Variants in MTPAP observed in about 807,000 individuals in gnomAD.
The protein encoded by MTPAP is mitochondrial poly(A) polymerase.
In MTPAP, 23 loss-of-function variants were observed where a neutral mutation model predicts 48.7. That is an observed-to-expected ratio of 0.47 (90% CI 0.34 to 0.67). The LOEUF is 0.67. Ranked by LOEUF, MTPAP falls within the 30% of genes least tolerant of loss-of-function variation. The pLI, the probability that MTPAP is intolerant of heterozygous loss-of-function variation, is 0.01. For missense variants in MTPAP, 614 were observed against 694.3 expected (o/e 0.88, Z 1.30); for synonymous variants, 257 against 254.1 (o/e 1.01, Z -0.11).
At position 30,322,381 on chromosome 10, in the gene MTPAP, C is replaced by T; in HGVS notation, c.1219+10G>A. On this transcript the variant is annotated intron_variant, in intron 6 of 8. Coordinates refer to ENST00000263063, the MANE Select transcript of MTPAP (RefSeq NM_018109.4). ...AAAAAGAAAATGGAGAAGTTTCTTT[C>T]TAGTCTTACCTGCTAGGGTTTTTAA... 1 of 1,561,788 alleles carries T rather than the reference C, an allele frequency of 6.4e-7. No individual in the cohort carries two copies. The highest frequency in any genetic ancestry group is 8.8e-7 in the Non-Finnish European group (1 of 1,132,962).
At chr10:30,335,343 G>A (rs958147538) in intron 4 of MTPAP, among the ~76,000 whole-genome samples, 6 of 151,816 alleles carry the variant, frequency 4.0e-5, no homozygotes, top group South Asian at 2.1e-4. Context: ...AAAATTAGCC[G>A]GGCATGGTGG....
At chr10:30,338,590 G>A (rs372483428) in intron 3 of MTPAP, among the ~76,000 whole-genome samples, 46 of 151,286 alleles carry the variant, frequency 3.0e-4, no homozygotes, top group East Asian at 2.8e-3. Flanking sequence ...CAGGAGAATC[G>A]CTTGAACCTG....
intron 5 of MTPAP, among the ~76,000 whole-genome samples, chr10:30,325,695 G>A (rs1018337617): frequency 1.3e-5 from 2 of 152,046 alleles, no homozygotes; most frequent in Non-Finnish European, 2.9e-5. Flanking sequence ...GCAGTGAGCC[G>A]AGATCGTGCA....
At chr10:30,344,500 G>T (rs1834847580) in intron 1 of MTPAP, among the ~76,000 whole-genome samples, 1 of 152,046 alleles carries the variant, frequency 6.6e-6, no homozygotes, top group Non-Finnish European at 1.5e-5. Context: ...GAGGGCAGAG[G>T]CTATTCTTTT....
chr10:30,336,316 G>A (rs1834730189), intron 4 of MTPAP, among the ~76,000 whole-genome samples: 1 of 152,124 alleles, frequency 6.6e-6, no homozygotes, highest in African/African-American at 2.4e-5. Flanking sequence ...AAGCATGTAT[G>A]AGGGATATAA....
intron 1 of MTPAP, among the ~76,000 whole-genome samples, chr10:30,344,270 C>T (rs1191821484): frequency 6.6e-6 from 1 of 152,274 alleles, no homozygotes; most frequent in Admixed American, 6.5e-5. Context: ...TATGAACTAT[C>T]TATGTCTTCT....
At chr10:30,341,123 G>C (rs1488674185) in intron 2 of MTPAP, among the ~76,000 whole-genome samples, 1 of 151,870 alleles carries the variant, frequency 6.6e-6, no homozygotes, top group Non-Finnish European at 1.5e-5. Flanking sequence ...GAGGCAGAAG[G>C]ATCACCCGAG....
intron 6 of MTPAP, among the ~76,000 whole-genome samples, chr10:30,318,779 T>C (rs1840689109): frequency 6.6e-6 from 1 of 152,196 alleles, no homozygotes; most frequent in Non-Finnish European, 1.5e-5. Context: ...AGTGAACTCC[T>C]ACTATGAACC....
intron 5 of MTPAP, among the ~76,000 whole-genome samples, chr10:30,324,193 CAT>C (rs149287185): frequency 1.4e-5 from 2 of 145,108 alleles, no homozygotes; most frequent in South Asian, 4.2e-4. Flanking sequence ...AACACACACA[CAT>C]ATATATATAT....
At chr10:30,316,233 T>C (rs1840660313) in intron 6 of MTPAP, 23 bp from the exon 7 acceptor site, 1 of 1,588,078 alleles carries the variant, frequency 6.3e-7, no homozygotes, top group Non-Finnish European at 8.6e-7. Flanking sequence ...CAAAAAATAT[T>C]TCACGTGTTT....
intron 4 of MTPAP, among the ~76,000 whole-genome samples, chr10:30,335,757 C>T (rs1485986529): frequency 1.3e-5 from 2 of 152,112 alleles, no homozygotes; most frequent in Non-Finnish European, 2.9e-5. Flanking sequence ...TGCCTGTAAT[C>T]CCAGCACTTT....
chr10:30,316,839 G>C (rs1840668443), intron 6 of MTPAP, among the ~76,000 whole-genome samples: 1 of 151,978 alleles, frequency 6.6e-6, no homozygotes, highest in African/African-American at 2.4e-5. Flanking sequence ...GCAATGAGCT[G>C]AGATCACATC....
chr10:30,326,670 T>C (rs769524966), intron 4 of MTPAP, 35 bp from the exon 5 acceptor site: 2 of 1,559,128 alleles, frequency 1.3e-6, no homozygotes, highest in East Asian at 2.2e-5. Flanking sequence ...TAGGAGCTTT[T>C]GGTAAAAAAA....
intron 1 of MTPAP, among the ~76,000 whole-genome samples, chr10:30,345,696 T>C (rs981564939): frequency 2.0e-5 from 3 of 152,162 alleles, no homozygotes; most frequent in Non-Finnish European, 2.9e-5. Context: ...TTATGACAGA[T>C]TGAAATGTGC....
intron 1 of MTPAP, among the ~76,000 whole-genome samples, chr10:30,346,871 A>G (rs1294037161): frequency 6.6e-6 from 1 of 152,162 alleles, no homozygotes; most frequent in Non-Finnish European, 1.5e-5. Flanking sequence ...AGCCGCAAGC[A>G]TGTGAACGTG....
In MTPAP at chr10:30,340,386, T is replaced by A; in HGVS notation, c.395A>T (p.His132Leu). 1 of 1,614,202 alleles carries A rather than the reference T, an allele frequency of 6.2e-7. No homozygotes were observed. The highest frequency in any genetic ancestry group is 8.5e-7 in the Non-Finnish European group (1 of 1,180,040). The change falls in exon 3 of 9, where the codon CAT becomes CTT. Residue 132 changes from histidine (H) to leucine (L), a missense_variant. Coordinates refer to ENST00000263063, the MANE Select transcript of MTPAP (RefSeq NM_018109.4). ...ESIGSLQNGT[H>L]TPSTAMETAI... ...AGTCTCCATGGCCGTGCTTGGAGTA[T>A]GAGTCCCATTCTGCAGTGAACCTAT...
At chr10:30,320,016 T>C (rs549627179) in intron 6 of MTPAP, among the ~76,000 whole-genome samples, 1 of 152,310 alleles carries the variant, frequency 6.6e-6, no homozygotes, top group South Asian at 2.1e-4. Flanking sequence ...ATCCCAGCAC[T>C]TGGGGAGGCT....
intron 4 of MTPAP, among the ~76,000 whole-genome samples, chr10:30,336,014 A>AAAAT (rs1194550286): frequency 2.0e-5 from 3 of 152,188 alleles, no homozygotes; most frequent in African/African-American, 7.2e-5. Flanking sequence ...AGCCTCAAAA[A>AAAAT]AAATAAATAA....
chr10:30,328,785 C>T (rs1331758325), intron 4 of MTPAP, among the ~76,000 whole-genome samples: 1 of 152,002 alleles, frequency 6.6e-6, no homozygotes, highest in African/African-American at 2.4e-5. Flanking sequence ...GCTAAAATAT[C>T]TAACTCAGAA....
Sources: gnomAD v4.1 joint callset for allele counts (sites outside exome capture counted in the v4.1 genomes callset) on GRCh38, gnomAD v4.1.1 for gene constraint, MANE v1.5 for transcripts, NCBI Gene and HGNC (gene_info 2026-07-23, HGNC 2026-07-21) for gene names.